The following KCNG3 variants were observed in gnomAD, a reference collection of about 807,000 sequenced individuals.
The protein encoded by KCNG3 is voltage-gated potassium channel regulatory subunit KCNG3.
KCNG3 carries 15 observed loss-of-function variants against 29.0 expected under a neutral mutation model. The observed-to-expected ratio is 0.52, with a 90% CI of 0.35 to 0.80. The LOEUF (loss-of-function observed/expected upper bound fraction) is 0.80, where lower values mean the gene tolerates loss of function less well. Among genes scored for constraint, KCNG3 ranks in the 30% least tolerant of loss-of-function variants. The pLI, the probability that KCNG3 is intolerant of heterozygous loss-of-function variation, is 0.01. For missense variants in KCNG3, 512 were observed against 605.7 expected, an observed-to-expected ratio of 0.85 and a Z score of 1.62; for synonymous variants, 322 against 248.9, an observed-to-expected ratio of 1.29 and a Z score of -2.76.
chr2:42,450,068 C>A (rs1351954676), intron 1 of KCNG3, among the ~76,000 whole-genome samples: 1 of 152,122 alleles, frequency 6.6e-6, no homozygotes, highest in Non-Finnish European at 1.5e-5. Context: ...TCCTAAGATT[C>A]TATTAATTTC....
the KCNG3 span, among the ~76,000 whole-genome samples, chr2:42,400,072 G>A: frequency 2.0e-5 from 3 of 152,168 alleles, no homozygotes; most frequent in Non-Finnish European, 2.9e-5. Context: ...TCACACCACT[G>A]CACTCAAGTG....
chr2:42,493,134 G>C lies in KCNG3; in HGVS notation c.368C>G (p.Thr123Ser), dbSNP rs971502500. 24 of 1,603,462 alleles carry C rather than the reference G, an allele frequency of 1.5e-5. No individual in the cohort carries two copies. The highest frequency in any genetic ancestry group is 2.0e-5 in the Non-Finnish European group (23 of 1,178,590). The change falls in exon 1 of 2, where the codon ACC becomes AGC. Residue 123 changes from threonine (T) to serine (S), a missense_variant. Physicochemically the swap from Thr to Ser is moderately conservative, Grantham distance 58. Transcript: ENST00000306078. ...QRRLDDRMSD[T>S]YTFYSADEPG... Reference sequence around the variant, plus strand: ...CTCGTCGGCCGAGTAGAAGGTGTAGGTGTCGGACATGCGGTCGTCGAGGCG... The same window carrying C: ...CTCGTCGGCCGAGTAGAAGGTGTAGCTGTCGGACATGCGGTCGTCGAGGCG...
chr2:42,448,427 T>C (rs1236661663), intron 1 of KCNG3, among the ~76,000 whole-genome samples: 1 of 151,966 alleles, frequency 6.6e-6, no homozygotes, highest in Admixed American at 6.6e-5. Context: ...CTAATTTTTT[T>C]CCCCCACTGG....
chr2:42,408,780 G>C, the KCNG3 span, among the ~76,000 whole-genome samples: 1 of 152,174 alleles, frequency 6.6e-6, no homozygotes, highest in Non-Finnish European at 1.5e-5. Context: ...AACACAAACA[G>C]GGCTGAAACA....
In KCNG3 at chr2:42,459,586, A is replaced by G. The variant is rs190249957; in HGVS notation, c.666-15007T>C. 2.0e-5 allele frequency among the ~76,000 whole-genome samples: 3 copies of G among 152,344 alleles called. No homozygotes were observed. In the East Asian group the frequency reaches 5.8e-4, roughly 29 times the overall value. ...CCCATTAATTCATTCACCATGCAAC[A>G]AAGCTCATGAGTGACTGCCTAATGT... On this transcript the variant is annotated intron_variant, in intron 1 of 1. Coordinates refer to ENST00000306078, the MANE Select transcript of KCNG3 (RefSeq NM_133329.6).
chr2:42,423,179 C>A, the KCNG3 span, among the ~76,000 whole-genome samples: 1 of 152,168 alleles, frequency 6.6e-6, no homozygotes, highest in Non-Finnish European at 1.5e-5. Flanking sequence ...TCTTTCCCAC[C>A]AAAAGCTGCT....
the KCNG3 span, among the ~76,000 whole-genome samples, chr2:42,406,172 T>G: frequency 1.3e-5 from 2 of 152,178 alleles, no homozygotes; most frequent in African/African-American, 4.8e-5. Context: ...GGTTTCATTG[T>G]CATTCAGTTC....
the KCNG3 span, among the ~76,000 whole-genome samples, chr2:42,396,917 T>C: frequency 6.6e-6 from 1 of 152,088 alleles, no homozygotes; most frequent in Non-Finnish European, 1.5e-5. Context: ...GGGAACTAGT[T>C]GAATAAACTA....
intron 1 of KCNG3, among the ~76,000 whole-genome samples, chr2:42,475,533 T>C (rs1407584444): frequency 6.6e-6 from 1 of 151,766 alleles, no homozygotes; most frequent in Non-Finnish European, 1.5e-5. Context: ...TTTCGCCATG[T>C]TGGCCAAGCT....
At chr2:42,393,342 C>A in the KCNG3 span, among the ~76,000 whole-genome samples, 1 of 151,402 alleles carries the variant, frequency 6.6e-6, no homozygotes. Flanking sequence ...GGGCAGATCA[C>A]TTGAGGTCAG....
chr2:42,420,227 G>A, the KCNG3 span, among the ~76,000 whole-genome samples: 5 of 151,904 alleles, frequency 3.3e-5, no homozygotes, highest in South Asian at 2.1e-4. Flanking sequence ...GCGAAACTCC[G>A]TCTCAAAAAA....
the KCNG3 span, among the ~76,000 whole-genome samples, chr2:42,409,128 T>G: frequency 1.3e-5 from 2 of 152,084 alleles, no homozygotes; most frequent in Admixed American, 1.3e-4. Flanking sequence ...ATGTCTGACT[T>G]GCCCTTGGTG....
the KCNG3 span, among the ~76,000 whole-genome samples, chr2:42,392,151 G>A: frequency 6.6e-6 from 1 of 152,158 alleles, no homozygotes; most frequent in Non-Finnish European, 1.5e-5. Context: ...GATGCTAAAT[G>A]TCAGAAATGC....
At chr2:42,433,956 A>G in the KCNG3 span, among the ~76,000 whole-genome samples, 2 of 152,226 alleles carry the variant, frequency 1.3e-5, no homozygotes, top group South Asian at 4.1e-4. Context: ...AGACTTGTAC[A>G]CTGAAAACTA....
At chr2:42,476,492 A>G (rs910543111) in intron 1 of KCNG3, among the ~76,000 whole-genome samples, 5 of 151,724 alleles carry the variant, frequency 3.3e-5, no homozygotes, top group African/African-American at 1.2e-4. Flanking sequence ...AATTTAAAAA[A>G]AAAAAAATTT....
the KCNG3 span, among the ~76,000 whole-genome samples, chr2:42,398,322 G>C: frequency 6.6e-6 from 1 of 152,026 alleles, no homozygotes; most frequent in African/African-American, 2.4e-5. Context: ...CCTGAGATCA[G>C]TGCTTTTTGC....
At chr2:42,423,451 C>A in the KCNG3 span, among the ~76,000 whole-genome samples, 2 of 152,146 alleles carry the variant, frequency 1.3e-5, no homozygotes, top group African/African-American at 4.8e-5. Flanking sequence ...CTCTGCCCAC[C>A]CAACAGCACT....
chr2:42,442,900 T>C lies in KCNG3; in HGVS notation c.*1034A>G, dbSNP rs1672516931. ...TCCATCGCTTTTACTGGCTTAAAAT[T>C]GACTTAGCTACACAGCAACTAAGAG... On this transcript the variant is annotated 3_prime_UTR_variant, in exon 2 of 2. Transcript: ENST00000306078. 6.6e-6 allele frequency: 1 copy of C among 152,172 alleles called. No individual in the cohort carries two copies. The highest frequency in any genetic ancestry group is 6.5e-5 in the Admixed American group (1 of 15,272). 9.4% of individuals were successfully genotyped at this position (152,172 alleles called of 1,614,324 possible).
At chr2:42,465,993 TAC>T (rs1673133884) in intron 1 of KCNG3, among the ~76,000 whole-genome samples, 1 of 152,226 alleles carries the variant, frequency 6.6e-6, no homozygotes, top group South Asian at 2.1e-4. Context: ...TGAAACCGTA[TAC>T]AGTCATACAC....
Sources: allele counts gnomAD v4.1 joint callset (sites outside exome capture counted in the v4.1 genomes callset), GRCh38; gene constraint gnomAD v4.1.1; transcripts MANE v1.5; gene names NCBI Gene and HGNC (gene_info 2026-07-23, HGNC 2026-07-21).